DOCK3: variants seen among roughly 807,000 people sequenced by gnomAD.
DOCK3 encodes the protein dedicator of cytokinesis protein 3.
In DOCK3, 60 loss-of-function variants were observed where a neutral mutation model predicts 265.6. That is an observed-to-expected ratio of 0.23 (90% CI 0.18 to 0.28). The LOEUF (loss-of-function observed/expected upper bound fraction) is 0.28. Among genes scored for constraint, DOCK3 ranks in the 10% least tolerant of loss-of-function variants. DOCK3 has a pLI of 1.00. For missense variants in DOCK3, 1,981 were observed against 2,594.3 expected, an observed-to-expected ratio of 0.76 and a Z score of 5.14; for synonymous variants, 881 against 938.0, an observed-to-expected ratio of 0.94 and a Z score of 1.11.
At chr3:51,065,662 A>G (rs4348025) in intron 6 of DOCK3, among the ~76,000 whole-genome samples, 73,118 of 152,024 alleles carry the variant, frequency 0.48, 17,854 homozygotes, top group Middle Eastern at 0.51. Flanking sequence ...AAACTGGGCA[A>G]CAGGAGTGTG....
At chr3:51,109,825 C>T (rs1020020077) in intron 9 of DOCK3, among the ~76,000 whole-genome samples, 4 of 151,778 alleles carry the variant, frequency 2.6e-5, no homozygotes, top group East Asian at 1.9e-4. Context: ...CCCAGCTACT[C>T]GTGAGGCCAA....
chr3:51,338,240 G>A (rs2084993576), intron 35 of DOCK3, 119 bp from the exon 36 acceptor site: 5 of 1,104,496 alleles, frequency 4.5e-6, no homozygotes, highest in Non-Finnish European at 6.6e-6. Context: ...AGCAGTTCCT[G>A]TTGGAGGCCA....
intron 14 of DOCK3, among the ~76,000 whole-genome samples, chr3:51,222,959 G>A (rs745616973): frequency 6.6e-6 from 1 of 152,118 alleles, no homozygotes; most frequent in African/African-American, 2.4e-5. Flanking sequence ...ATTTTTAAAA[G>A]ACAATGTCTC....
At chr3:51,012,568 G>A (rs879642169) in intron 5 of DOCK3, among the ~76,000 whole-genome samples, 4 of 152,154 alleles carry the variant, frequency 2.6e-5, no homozygotes, top group Non-Finnish European at 4.4e-5. Flanking sequence ...GGCTAGGAAA[G>A]GGATTTCTCT....
chr3:51,225,864 G>A, intron 15 of DOCK3, 91 bp downstream of exon 15: 3 of 1,445,908 alleles, frequency 2.1e-6, no homozygotes, highest in Non-Finnish European at 2.7e-6. Flanking sequence ...TCTTCAAGCA[G>A]GATTAAAATC....
chr3:50,835,982 A>G (rs1031244030), intron 2 of DOCK3, among the ~76,000 whole-genome samples: 6 of 152,230 alleles, frequency 3.9e-5, no homozygotes, highest in African/African-American at 9.7e-5. Context: ...ATAACTGCCA[A>G]TAGCCATTGC....
intron 9 of DOCK3, among the ~76,000 whole-genome samples, chr3:51,136,074 GTC>G (rs1219563914): frequency 6.6e-6 from 1 of 152,012 alleles, no homozygotes; most frequent in Admixed American, 6.6e-5. Context: ...CCTTTAGAAA[GTC>G]TGCACTTTGC....
chr3:51,146,664 T>C (rs2085317587), intron 10 of DOCK3, 34 bp downstream of exon 10: 1 of 1,551,994 alleles, frequency 6.4e-7, no homozygotes, highest in Admixed American at 1.9e-5. Flanking sequence ...TCTTTGCTGT[T>C]GACTCTAACC....
At position 51,275,140 on chromosome 3, in the gene DOCK3, G is replaced by C; in HGVS notation, c.2610G>C (p.Gln870His). The change falls in exon 25 of 53, where the codon CAG (glutamine) becomes CAC (histidine). Residue 870 changes from glutamine (Q) to histidine (H), a missense_variant. Transcript: ENST00000266037. ...LHHIHLHLRQQKELLICSGIL... is the reference protein window; with the variant it reads ...LHHIHLHLRQHKELLICSGIL... ...ACATTCACCTTCACCTGAGGCAGCA[G>C]AAAGAGCTGCTAATTTGCTCAGGGA... The C allele has an allele frequency of 2.5e-6, 4 of 1,613,980 alleles. No individual in the cohort carries two copies. Among genetic ancestry groups the C allele is most frequent in the Non-Finnish European group, 3.4e-6 (4 of 1,179,896 alleles).
At chr3:51,108,600 A>G (rs1033477648) in intron 9 of DOCK3, among the ~76,000 whole-genome samples, 3 of 152,252 alleles carry the variant, frequency 2.0e-5, no homozygotes, top group African/African-American at 7.2e-5. Flanking sequence ...AACAAGGTGG[A>G]TAAAGAAGCA....
intron 27 of DOCK3, 95 bp from the exon 28 acceptor site, chr3:51,310,137 C>G: frequency 1.1e-6 from 1 of 907,088 alleles, no homozygotes; most frequent in Non-Finnish European, 1.8e-6. Context: ...ACTGGTCCCA[C>G]CCATTGTCAT....
At position 51,092,381 on chromosome 3, in the gene DOCK3, G is replaced by A. The variant is rs139984417; in HGVS notation, c.746+1997G>A. Among the ~76,000 whole-genome samples the A allele has an allele frequency of 4.3e-4, 66 of 152,306 alleles. No homozygotes were observed. The East Asian group carries it at 0.011, about 26-fold the overall frequency. ...CTTGAGTAGGTGGTTTTATGCTCACGGTGTAAACAAAGCCGCTGGGAAGTT... is the reference window on the plus strand; with the variant it reads ...CTTGAGTAGGTGGTTTTATGCTCACAGTGTAAACAAAGCCGCTGGGAAGTT... On this transcript the variant is annotated intron_variant, in intron 9 of 52. Transcript: ENST00000266037.
At chr3:50,810,476 T>G (rs1405727009) in intron 2 of DOCK3, among the ~76,000 whole-genome samples, 1 of 152,004 alleles carries the variant, frequency 6.6e-6, no homozygotes, top group Non-Finnish European at 1.5e-5. Flanking sequence ...ACTTAAAACC[T>G]GGGTTGCAGT....
intron 1 of DOCK3, among the ~76,000 whole-genome samples, chr3:50,776,676 A>C (rs2041619721): frequency 6.6e-6 from 1 of 151,920 alleles, no homozygotes; most frequent in Non-Finnish European, 1.5e-5. Flanking sequence ...GTTTTTTTCC[A>C]TGTTATCTTG....
chr3:51,200,540 G>A (rs1030877480), intron 12 of DOCK3, among the ~76,000 whole-genome samples: 1 of 150,532 alleles, frequency 6.6e-6, no homozygotes, highest in Non-Finnish European at 1.5e-5. Context: ...CCAAATCTAC[G>A]TCTGATTGGT....
At chr3:50,892,893 C>T (rs2048706714) in intron 4 of DOCK3, among the ~76,000 whole-genome samples, 1 of 152,010 alleles carries the variant, frequency 6.6e-6, no homozygotes, top group Admixed American at 6.6e-5. Context: ...TGAGTCTTCT[C>T]CCTCAGAAGG....
intron 5 of DOCK3, among the ~76,000 whole-genome samples, chr3:50,993,133 G>A (rs1446091817): frequency 1.3e-5 from 2 of 152,108 alleles, no homozygotes; most frequent in Non-Finnish European, 2.9e-5. Context: ...TCTCTGGATT[G>A]TAGCCATTGA....
chr3:50,686,410 G>A (rs569748023), intron 1 of DOCK3, among the ~76,000 whole-genome samples: 24 of 152,314 alleles, frequency 1.6e-4, no homozygotes, highest in African/African-American at 5.5e-4. Context: ...TAAGGCTGTT[G>A]TCATTTGTGA....
chr3:51,065,849 C>T (rs1284778006), intron 6 of DOCK3, among the ~76,000 whole-genome samples: 1 of 152,148 alleles, frequency 6.6e-6, no homozygotes, highest in African/African-American at 2.4e-5. Flanking sequence ...CAGGTATCAC[C>T]AGATGTTTGA....
Sources: allele counts gnomAD v4.1 joint callset (sites outside exome capture counted in the v4.1 genomes callset), GRCh38; gene constraint gnomAD v4.1.1; transcripts MANE v1.5; gene names NCBI Gene and HGNC (gene_info 2026-07-23, HGNC 2026-07-21).